Variants in RTTN observed in about 807,000 individuals in gnomAD.
RTTN encodes the protein rotatin.
RTTN carries 182 observed loss-of-function variants against 269.2 expected under a neutral mutation model. The observed-to-expected ratio is 0.68, with a 90% confidence interval of 0.60 to 0.76. RTTN has a LOEUF of 0.76. Ranked by LOEUF, RTTN falls within the 30% of genes least tolerant of loss-of-function variation. RTTN has a pLI of 0.00. For missense variants in RTTN, 2,545 were observed against 2,608.6 expected, an observed-to-expected ratio of 0.98 and a Z score of 0.53; for synonymous variants, 1,006 against 963.5, an observed-to-expected ratio of 1.04 and a Z score of -0.82.
At chr18:70,064,612 T>C (rs892931343) in intron 35 of RTTN, among the ~76,000 whole-genome samples, 1 of 152,144 alleles carries the variant, frequency 6.6e-6, no homozygotes, top group African/African-American at 2.4e-5. Context: ...ATTCCATTCA[T>C]ACAAAATGTC....
chr18:70,075,618 T>G, intron 32 of RTTN, 77 bp from the exon 33 acceptor site: 4 of 1,190,194 alleles, frequency 3.4e-6, no homozygotes, highest in Non-Finnish European at 4.6e-6. Flanking sequence ...TTGTCTCCTC[T>G]CGAGGAAACA....
chr18:70,074,774 G>A (rs907421331), intron 33 of RTTN: 1 of 151,390 alleles, frequency 6.6e-6, no homozygotes, highest in African/African-American at 2.4e-5. Flanking sequence ...TATGTGCTCA[G>A]ATCTTATACT....
At position 70,197,644 on chromosome 18, in the gene RTTN, G is replaced by A. The variant is rs199700128; in HGVS notation, c.673C>T (p.Gln225Ter). ...CTGACCTGAACAATTTTTGGCCTTT[G>A]AAGGAAAATCTCAGCAGGAAAATCT... Reference protein sequence around the residue: ...MQDFPAEIFLQRPKIVQSLLS... With the variant: ...MQDFPAEIFL Residue 225 changes from glutamine (Q) to a stop codon, truncating the protein, a stop_gained, in exon 6 of 49, where the codon CAA becomes TAA. Coordinates refer to ENST00000640769, the MANE Select transcript of RTTN (RefSeq NM_173630.4). LOFTEE classifies it high-confidence loss of function. 40 of 1,612,320 alleles carry A rather than the reference G, an allele frequency of 2.5e-5. No individual in the cohort carries two copies. Among genetic ancestry groups the A allele is most frequent in the East Asian group, 4.5e-5 (2 of 44,852 alleles).
chr18:70,123,924 C>A (rs1025331587), intron 25 of RTTN, among the ~76,000 whole-genome samples: 1 of 151,826 alleles, frequency 6.6e-6, no homozygotes, highest in Non-Finnish European at 1.5e-5. Context: ...AGGCAGTAGC[C>A]CCTTTCTTCC....
intron 27 of RTTN, among the ~76,000 whole-genome samples, chr18:70,112,760 A>G (rs1018708063): frequency 3.3e-5 from 5 of 152,160 alleles, no homozygotes; most frequent in African/African-American, 1.2e-4. Context: ...CAGATCAACA[A>G]GACAGAAAAT....
intron 28 of RTTN, 94 bp downstream of exon 28, chr18:70,109,404 T>C: frequency 1.2e-6 from 1 of 838,874 alleles, no homozygotes; most frequent in Non-Finnish European, 2.0e-6. Flanking sequence ...TATAATATTC[T>C]ACATTGAATA....
intron 23 of RTTN, chr18:70,131,546 T>C (rs2059999279): frequency 6.6e-6 from 1 of 151,636 alleles, no homozygotes; most frequent in South Asian, 2.1e-4. Context: ...ATAATGTATA[T>C]AGAAGAATAC....
At chr18:70,192,384 G>A (rs548972840) in intron 8 of RTTN, among the ~76,000 whole-genome samples, 1 of 152,176 alleles carries the variant, frequency 6.6e-6, no homozygotes, top group Admixed American at 6.5e-5. Context: ...GAAAATCTGG[G>A]TGCCAAGCAC....
intron 41 of RTTN, 40 bp downstream of exon 41, chr18:70,030,836 G>T: frequency 7.1e-7 from 1 of 1,402,646 alleles, no homozygotes; most frequent in Non-Finnish European, 1.0e-6. Context: ...CATATGAATT[G>T]ATAATGCCAT....
At position 70,127,626 on chromosome 18, in the gene RTTN, C is replaced by T. The variant is rs909861285; in HGVS notation, c.3259G>A (p.Glu1087Lys). Residue 1087 changes from glutamate (E) to lysine (K), a missense_variant, in exon 25 of 49, where the codon GAA becomes AAA. Physicochemically the swap from Glu to Lys is moderately conservative, Grantham distance 56. Coordinates refer to ENST00000640769, the MANE Select transcript of RTTN (RefSeq NM_173630.4). ...HSIVQAATHR[E>K]VRAAVTRMSF... is the part of the protein sequence containing the mutation. ...ATCCTGGTGACAGCAGCCCTAACTTCCCTGTGGGTTGCAGCCTGAACAATG... is the reference window on the plus strand; with the variant it reads ...ATCCTGGTGACAGCAGCCCTAACTTTCCTGTGGGTTGCAGCCTGAACAATG... 7 of 1,613,472 alleles carry T rather than the reference C, an allele frequency of 4.3e-6. No homozygotes were observed. In the Admixed American group the frequency reaches 1.0e-4, roughly 23 times the overall value.
intron 43 of RTTN, among the ~76,000 whole-genome samples, chr18:70,025,824 TC>T: frequency 6.6e-6 from 1 of 152,346 alleles, no homozygotes; most frequent in South Asian, 2.1e-4. Flanking sequence ...AAAGAGGTGT[TC>T]CACTTCTTGC....
intron 26 of RTTN, among the ~76,000 whole-genome samples, chr18:70,119,979 T>C (rs1182279994): frequency 6.6e-6 from 1 of 152,174 alleles, no homozygotes; most frequent in East Asian, 1.9e-4. Context: ...GGTTTGAACA[T>C]TCCCTCCAAA....
At chr18:70,100,587 T>C (rs1036683146) in intron 28 of RTTN, among the ~76,000 whole-genome samples, 1 of 152,224 alleles carries the variant, frequency 6.6e-6, no homozygotes, top group Non-Finnish European at 1.5e-5. Context: ...TCCTGCCTGA[T>C]TACCCTGGCC....
chr18:70,074,191 A>G (rs1308552174), intron 33 of RTTN, among the ~76,000 whole-genome samples, 197 bp from the exon 34 acceptor site: 1 of 151,886 alleles, frequency 6.6e-6, no homozygotes, highest in Non-Finnish European at 1.5e-5. Context: ...CATAAGAATC[A>G]CTGAGAGCTT....
chr18:70,051,413 A>G lies in RTTN; in HGVS notation c.5321T>C (p.Ile1774Thr), dbSNP rs766775963. Residue 1774 changes from isoleucine to threonine, a missense_variant and splice_region_variant, in exon 39 of 49, where the codon ATT (isoleucine) becomes ACT (threonine). By Grantham distance (89) the Ile-to-Thr change is moderately conservative. Coordinates refer to ENST00000640769, the MANE Select transcript of RTTN (RefSeq NM_173630.4). ...AGATTATGCAAGTATCTTCTTACCAATCGCCGCTGTCCAGTGCTTGGCCAG... is the reference window on the plus strand; with the variant it reads ...AGATTATGCAAGTATCTTCTTACCAGTCGCCGCTGTCCAGTGCTTGGCCAG... ...VALAKHWTAAIDMFCTCAGLS... is the reference protein window; with the variant it reads ...VALAKHWTAATDMFCTCAGLS... 6.9e-6 allele frequency: 11 copies of G among 1,602,000 alleles called. No individual in the cohort carries two copies. The highest frequency in any genetic ancestry group is 8.5e-6 in the Non-Finnish European group (10 of 1,176,986).
intron 21 of RTTN, 72 bp downstream of exon 21, chr18:70,139,527 G>T: frequency 1.1e-6 from 1 of 903,580 alleles, no homozygotes; most frequent in South Asian, 1.6e-5. Context: ...AAGTAAATGT[G>T]ACTTACAATT....
At chr18:70,029,011 C>T (rs1420117386) in intron 42 of RTTN, among the ~76,000 whole-genome samples, 1 of 152,120 alleles carries the variant, frequency 6.6e-6, no homozygotes, top group Non-Finnish European at 1.5e-5. Flanking sequence ...AAAGCTATTT[C>T]TGTTCTATCA....
chr18:70,135,331 A>G, intron 21 of RTTN, 51 bp from the exon 22 acceptor site: 1 of 1,061,468 alleles, frequency 9.4e-7, no homozygotes, highest in Admixed American at 2.5e-5. Context: ...TCTAGAAAGA[A>G]TGAACTTCAA....
At chr18:70,084,571 G>C (rs1355851599) in intron 32 of RTTN, among the ~76,000 whole-genome samples, 1 of 150,056 alleles carries the variant, frequency 6.7e-6, no homozygotes. Context: ...CAGATATACT[G>C]AGTTAACTAT....
Sources: allele counts gnomAD v4.1 joint callset (sites outside exome capture counted in the v4.1 genomes callset), GRCh38; gene constraint gnomAD v4.1.1; transcripts MANE v1.5; gene names NCBI Gene and HGNC (gene_info 2026-07-23, HGNC 2026-07-21).